The following ABCA13 variants were observed in gnomAD, a reference collection of about 807,000 sequenced individuals.
The protein encoded by ABCA13 is ATP binding cassette subfamily A member 13.
A neutral mutation model predicts 478.7 loss-of-function variants in ABCA13; 476 were observed. The ratio of observed to expected loss-of-function variants is 0.99; its 90% CI spans 0.92 to 1.07. The LOEUF (loss-of-function observed/expected upper bound fraction) is 1.07. ABCA13 is among the 50% of genes least tolerant of loss of function. The pLI, the probability that ABCA13 is intolerant of heterozygous loss-of-function variation, is 0.00. For missense variants in ABCA13, 6,060 were observed against 5,910.6 expected, an observed-to-expected ratio of 1.03 and a Z score of -0.83; for synonymous variants, 2,252 against 2,158.9, an observed-to-expected ratio of 1.04 and a Z score of -1.20.
At chr7:48,354,841 T>G in intron 31 of ABCA13, among the ~76,000 whole-genome samples, 1 of 152,038 alleles carries the variant, frequency 6.6e-6, no homozygotes, top group East Asian at 1.9e-4. Flanking sequence ...TCGAAAGAAC[T>G]CAGTCACTTG....
intron 46 of ABCA13, among the ~76,000 whole-genome samples, chr7:48,482,064 C>T (rs1828825903): frequency 6.6e-6 from 1 of 151,396 alleles, no homozygotes; most frequent in African/African-American, 2.4e-5. Flanking sequence ...AATGTTAACC[C>T]TTTTTTTGAA....
chr7:48,412,747 C>T (rs1030222769), intron 41 of ABCA13, among the ~76,000 whole-genome samples, 164 bp downstream of exon 41: 1 of 146,296 alleles, frequency 6.8e-6, no homozygotes, highest in African/African-American at 2.5e-5. Context: ...ATGCCAATAA[C>T]TGAACTTAAC....
intron 58 of ABCA13, among the ~76,000 whole-genome samples, chr7:48,603,264 A>T (rs759291255): frequency 1.3e-5 from 2 of 152,108 alleles, no homozygotes; most frequent in Admixed American, 1.3e-4. Flanking sequence ...TTTCAACACT[A>T]TGTTGAATAG....
chr7:48,369,274 A>G (rs879072858), intron 32 of ABCA13, among the ~76,000 whole-genome samples: 1 of 151,870 alleles, frequency 6.6e-6, no homozygotes, highest in African/African-American at 2.4e-5. Flanking sequence ...AGTTCTTTGT[A>G]GATTCTGGAT....
At chr7:48,175,540 C>T (rs1427339754) in intron 1 of ABCA13, among the ~76,000 whole-genome samples, 3 of 152,160 alleles carry the variant, frequency 2.0e-5, no homozygotes, top group African/African-American at 7.2e-5. Context: ...CCTGCCTCAG[C>T]ATCCTGAATA....
intron 31 of ABCA13, among the ~76,000 whole-genome samples, chr7:48,356,356 G>A (rs1393988734): frequency 6.6e-6 from 1 of 151,498 alleles, no homozygotes; most frequent in Non-Finnish European, 1.5e-5. Flanking sequence ...AGAAATGGGA[G>A]GTGACTTCTT....
chr7:48,355,041 G>A (rs1345552728), intron 31 of ABCA13, among the ~76,000 whole-genome samples: 1 of 151,372 alleles, frequency 6.6e-6, no homozygotes, highest in Non-Finnish European at 1.5e-5. Flanking sequence ...AAAGAAAATA[G>A]GTGAATCAGT....
At chr7:48,221,248 G>A (rs1297487266) in intron 4 of ABCA13, 33 bp from the exon 5 acceptor site, 4 of 1,058,214 alleles carry the variant, frequency 3.8e-6, no homozygotes, top group Non-Finnish European at 5.6e-6. Flanking sequence ...ATTGATGATT[G>A]AACTAATATC....
At chr7:48,388,908 A>AT (rs1456576194) in intron 36 of ABCA13, 132 bp from the exon 37 acceptor site, 3 of 1,029,112 alleles carry the variant, frequency 2.9e-6, no homozygotes, top group Non-Finnish European at 4.2e-6. Context: ...CTAAAGAAAG[A>AT]TTTTTGAGTT....
At chr7:48,482,989 C>T (rs1828927250) in intron 46 of ABCA13, 87 bp from the exon 47 acceptor site, 2 of 1,033,874 alleles carry the variant, frequency 1.9e-6, no homozygotes, top group Admixed American at 2.4e-5. Context: ...GACTGCTGTA[C>T]CTGGTGGGGT....
intron 15 of ABCA13, among the ~76,000 whole-genome samples, chr7:48,266,111 A>G (rs1295014827): frequency 6.6e-6 from 1 of 151,722 alleles, no homozygotes; most frequent in Non-Finnish European, 1.5e-5. Context: ...ACCTTGCATA[A>G]CTGAGATAAA....
At chr7:48,417,577 A>G (rs545478614) in intron 41 of ABCA13, among the ~76,000 whole-genome samples, 1 of 152,312 alleles carries the variant, frequency 6.6e-6, no homozygotes, top group African/African-American at 2.4e-5. Flanking sequence ...AGCAGAATGC[A>G]CAAATTGTGC....
chr7:48,408,068 A>G (rs1469938110), intron 39 of ABCA13, among the ~76,000 whole-genome samples: 2 of 152,106 alleles, frequency 1.3e-5, no homozygotes, highest in East Asian at 1.9e-4. Flanking sequence ...TCACATATTT[A>G]CCCTTTTGTT....
rs1246675259 is a variant in ABCA13 at position 48,314,373 on chromosome 7, G to A, written c.9823G>A (p.Asp3275Asn). 1 of 1,603,524 alleles carries A rather than the reference G, an allele frequency of 6.2e-7. No homozygotes were observed. Among genetic ancestry groups the A allele is most frequent in the Admixed American group, 1.7e-5 (1 of 58,348 alleles). ...GCCCAGAGTTAAGGAACTCTTGGAA[G>A]ATGACAAAGAAAAATTCAACATTCC... is the stretch of plus-strand genomic sequence containing the variant. The part of the protein sequence containing the change: ...NLPRVKELLE[D>N]DKEKFNIPED... The change falls in exon 26 of 62, where the codon GAT (aspartate) becomes AAT (asparagine). Residue 3275 changes from aspartate (D) to asparagine (N), a missense_variant. This residue lies in a region of ABCA13 where 4,423 missense variants were observed against 4,309.1 expected (regional missense o/e 1.03). Transcript: ENST00000435803.
In ABCA13 at chr7:48,455,246, AC is replaced by A; in HGVS notation, c.12776del (p.Thr4259AsnfsTer40). On this transcript the variant is annotated frameshift_variant, in exon 43 of 62. Transcript: ENST00000435803. LOFTEE classifies it high-confidence loss of function. Reference protein sequence around the residue: ...LATEYPPLRLTPGHYQRAETY... With the variant: ...LATEYPPLRLXPGHYQRAETY... Reference sequence around the variant, plus strand: ...CACCGAGTACCCTCCCCTCAGACTCACACCTGGACATTACCAGCGGGCCGAG... The same window carrying A: ...CACCGAGTACCCTCCCCTCAGACTCAACCTGGACATTACCAGCGGGCCGAG... 1 of 1,606,026 alleles carries A rather than the reference AC, an allele frequency of 6.2e-7. No homozygotes were observed. Among genetic ancestry groups the A allele is most frequent in the Middle Eastern group, 1.7e-4 (1 of 6,050 alleles).
chr7:48,292,407 C>T (rs1798665096), intron 20 of ABCA13, among the ~76,000 whole-genome samples: 1 of 152,146 alleles, frequency 6.6e-6, no homozygotes, highest in South Asian at 2.1e-4. Flanking sequence ...CCAGCTCTCC[C>T]TTCCTTCTCC....
chr7:48,178,646 G>T (rs1234739606), intron 1 of ABCA13, among the ~76,000 whole-genome samples: 2 of 151,504 alleles, frequency 1.3e-5, no homozygotes, highest in African/African-American at 4.9e-5. Context: ...TTGCACTCCA[G>T]CCTGGGTGAA....
intron 55 of ABCA13, among the ~76,000 whole-genome samples, chr7:48,560,345 T>TC (rs1786325607): frequency 6.6e-6 from 1 of 152,014 alleles, no homozygotes; most frequent in Non-Finnish European, 1.5e-5. Context: ...GTGCTCTTCC[T>TC]CCCCCAAGTG....
chr7:48,239,240 G>C lies in ABCA13; in HGVS notation c.898-1G>C. On this transcript the variant is annotated splice_acceptor_variant, in intron 8 of 61. Transcript: ENST00000435803. LOFTEE classifies it high-confidence loss of function. ...TAAATATTTTTTCATATTGTTGTCA[G>C]ATTCCCACAGACACTTCCTTGGAGA... 6.2e-7 allele frequency: 1 copy of C among 1,613,872 alleles called. No individual in the cohort carries two copies. The highest frequency in any genetic ancestry group is 8.5e-7 in the Non-Finnish European group (1 of 1,179,808).
Sources: gnomAD v4.1 joint callset for allele counts (sites outside exome capture counted in the v4.1 genomes callset) on GRCh38, gnomAD v4.1.1 for gene constraint, gnomAD v4.1.1 regional missense constraint, MANE v1.5 for transcripts, NCBI Gene and HGNC (gene_info 2026-07-23, HGNC 2026-07-21) for gene names.